Variants in KDM3B observed in about 807,000 individuals in gnomAD.
KDM3B encodes the protein lysine-specific demethylase 3B.
KDM3B carries 10 observed loss-of-function variants against 170.0 expected under a neutral mutation model. The observed-to-expected ratio is 0.06, with a 90% CI of 0.04 to 0.10. The LOEUF is 0.10. KDM3B is among the 10% of genes least tolerant of loss of function. The pLI, the probability that KDM3B is intolerant of heterozygous loss-of-function variation, is 1.00. For missense variants in KDM3B, 1,394 were observed against 2,195.2 expected (o/e 0.64, Z 7.29); for synonymous variants, 831 against 834.8 (o/e 1.00, Z 0.08).
intron 11 of KDM3B, among the ~76,000 whole-genome samples, chr5:138,406,430 G>A (rs1049364844): frequency 6.6e-6 from 1 of 152,088 alleles, no homozygotes; most frequent in Admixed American, 6.5e-5. Flanking sequence ...GATCACCTGA[G>A]GTCAGGAGTT....
chr5:138,396,182 G>A (rs551217539), intron 9 of KDM3B, among the ~76,000 whole-genome samples: 4 of 151,618 alleles, frequency 2.6e-5, no homozygotes, highest in Non-Finnish European at 4.4e-5. Flanking sequence ...TGCAATCTCC[G>A]CCTCCCGGGT....
At chr5:138,405,636 A>G (rs948975597) in intron 11 of KDM3B, among the ~76,000 whole-genome samples, 1 of 152,210 alleles carries the variant, frequency 6.6e-6, no homozygotes, top group Non-Finnish European at 1.5e-5. Flanking sequence ...AAGAAAATGA[A>G]ATGGAAATCA....
chr5:138,414,836 A>G (rs1763061614), intron 11 of KDM3B, among the ~76,000 whole-genome samples: 1 of 152,306 alleles, frequency 6.6e-6, no homozygotes, highest in Non-Finnish European at 1.5e-5. Context: ...GCACTCCTGT[A>G]GTTCCAGCTA....
chr5:138,426,646 T>G (rs1168133681), intron 17 of KDM3B: 1 of 247,822 alleles, frequency 4.0e-6, no homozygotes, highest in Non-Finnish European at 8.1e-6. Context: ...ATCCCAGCAC[T>G]TTGGGAGGCC....
intron 6 of KDM3B, among the ~76,000 whole-genome samples, chr5:138,383,843 G>A (rs555795751): frequency 6.7e-6 from 1 of 149,212 alleles, no homozygotes; most frequent in Admixed American, 6.7e-5. Context: ...CCAGCTACTT[G>A]GGAGGCTGAG....
intron 2 of KDM3B, among the ~76,000 whole-genome samples, chr5:138,373,068 G>A (rs1047047967): frequency 1.3e-5 from 2 of 152,134 alleles, no homozygotes; most frequent in Non-Finnish European, 2.9e-5. Context: ...GCCAGACGCG[G>A]TGGCTCACGC....
In KDM3B at chr5:138,391,470, G is replaced by A. The variant is rs759653444; in HGVS notation, c.1838G>A (p.Arg613His). The part of the protein sequence containing the change: ...PAFPRSLLNA[R>H]TPENHENLFL... ...TTCCCACGGAGCCTCCTAAATGCCC[G>A]TACCCCAGAGAATCATGAAAATCTA... is the stretch of plus-strand genomic sequence containing the variant. Residue 613 changes from arginine to histidine, a missense_variant, in exon 8 of 24, where the codon CGT (arginine) becomes CAT (histidine). Around this residue, in one of 19 missense-constraint regions of KDM3B, gnomAD observed 294 missense variants for 311.7 expected, o/e 0.94. Transcript: ENST00000314358. This position sits in a 1 kb window ranked among gnomAD's most constrained non-coding sequence, Gnocchi z 5.0. 27 of 1,613,932 alleles carry A rather than the reference G, an allele frequency of 1.7e-5. No homozygotes were observed. The highest frequency in any genetic ancestry group is 2.7e-5 in the African/African-American group (2 of 74,876).
chr5:138,391,959 T>C lies in KDM3B; in HGVS notation c.2327T>C (p.Phe776Ser). 1.2e-6 allele frequency: 2 copies of C among 1,612,730 alleles called. No homozygotes were observed. The highest frequency in any genetic ancestry group is 1.7e-6 in the Non-Finnish European group (2 of 1,178,778). ...SNVFGRHSGG[F>S]LSSPADFSQE... ...GTCTTTGGCAGGCACTCAGGCGGCT[T>C]TCTGTCCTCCCCGGCAGATTTTTCA... is the stretch of plus-strand genomic sequence containing the variant. The change falls in exon 8 of 24, where the codon TTT (phenylalanine) becomes TCT (serine). Residue 776 changes from phenylalanine to serine, a missense_variant. Transcript: ENST00000314358. This position sits in a 1 kb window ranked among gnomAD's most constrained non-coding sequence, Gnocchi z 5.0.
intron 1 of KDM3B, among the ~76,000 whole-genome samples, chr5:138,371,782 C>G (rs962434826): frequency 4.6e-5 from 7 of 152,094 alleles, no homozygotes; most frequent in Non-Finnish European, 1.0e-4. Flanking sequence ...CTGGGTAACA[C>G]AGCAAGACCC....
chr5:138,411,793 A>G (rs1762976456), intron 11 of KDM3B, among the ~76,000 whole-genome samples: 1 of 150,594 alleles, frequency 6.6e-6, no homozygotes, highest in South Asian at 2.1e-4. Flanking sequence ...TCCACCTCCC[A>G]GGATCAAGCG....
intron 7 of KDM3B, among the ~76,000 whole-genome samples, chr5:138,387,853 G>A (rs1027291961): frequency 3.3e-5 from 5 of 152,080 alleles, no homozygotes; most frequent in African/African-American, 9.7e-5. Flanking sequence ...AGGCCAAGGC[G>A]GGCGGATCAC....
At chr5:138,408,923 CA>C (rs1762893087) in intron 11 of KDM3B, among the ~76,000 whole-genome samples, 2 of 152,130 alleles carry the variant, frequency 1.3e-5, no homozygotes, top group Non-Finnish European at 1.5e-5. Flanking sequence ...TGTGCCCTTT[CA>C]GGGGGCCATA....
rs749481329 is a variant in KDM3B, at chr5:138,415,235, C to A, written c.3303C>A (p.Gly1101=). The A allele has an allele frequency of 6.3e-7, 1 of 1,593,074 alleles. No homozygotes were observed. The highest frequency in any genetic ancestry group is 1.1e-5 in the South Asian group (1 of 89,428). The change falls in exon 12 of 24, where the codon GGC becomes GGA. Residue 1101 remains glycine (G), a synonymous_variant. Transcript: ENST00000314358. ...TCATGCCCACACAAATTATTCCTGG[C>A]ACAGGTAAGGAAATTCCTTTTTTAG... ...ENLMPTQIIP[G]TALYNIGDMV... is the part of the protein sequence containing the mutation.
At chr5:138,362,551 T>C (rs866558960) in intron 1 of KDM3B, among the ~76,000 whole-genome samples, 1 of 124,682 alleles carries the variant, frequency 8.0e-6, no homozygotes, top group East Asian at 2.2e-4. Context: ...TATATGTGTA[T>C]ACACACACAC....
At position 138,424,103 on chromosome 5, in the gene KDM3B, A is replaced by C. The variant is rs752019617; in HGVS notation, c.4001A>C (p.Asn1334Thr). The C allele has an allele frequency of 1.9e-6, 3 of 1,583,492 alleles. No homozygotes were observed. Residue 1334 changes from asparagine (N) to threonine (T), a missense_variant, in exon 16 of 24, where the codon AAC (asparagine) becomes ACC (threonine). Physicochemically the swap from Asn to Thr is moderately conservative, Grantham distance 65. Coordinates refer to ENST00000314358, the MANE Select transcript of KDM3B (RefSeq NM_016604.4). Reference protein sequence around the residue: ...AGVKSKASLPNFLDHIIASVV... With the variant: ...AGVKSKASLPTFLDHIIASVV... ...GTGAAGAGCAAGGCCAGCCTACCCA[A>C]CTTTCTTGACCACATCATTGCCTCA...
chr5:138,425,806 G>C, intron 17 of KDM3B: 1 of 380,520 alleles, frequency 2.6e-6, no homozygotes, highest in South Asian at 4.3e-5. Flanking sequence ...AGGAGTTCAA[G>C]ACCAGCCTGG....
intron 4 of KDM3B, among the ~76,000 whole-genome samples, chr5:138,378,072 G>A (rs6596432): frequency 0.041 from 6,288 of 152,186 alleles, 179 homozygotes; most frequent in South Asian, 0.11. Flanking sequence ...GTCTTATGGA[G>A]GTGTCTGTAA....
chr5:138,377,089 A>G (rs1252242726), intron 3 of KDM3B, among the ~76,000 whole-genome samples: 2 of 152,120 alleles, frequency 1.3e-5, no homozygotes, highest in African/African-American at 2.4e-5. Flanking sequence ...TAGGTTAATG[A>G]TGATTTCTTT....
chr5:138,432,426 CAA>C (rs34148886), intron 23 of KDM3B, among the ~76,000 whole-genome samples: 38,748 of 151,902 alleles, frequency 0.26, 6,021 homozygotes, highest in South Asian at 0.4. Flanking sequence ...ATAAAAAGAA[CAA>C]AGAGGGCTGG....
Sources: gnomAD v4.1 joint callset for allele counts (sites outside exome capture counted in the v4.1 genomes callset) on GRCh38, gnomAD v4.1.1 for gene constraint, gnomAD v4.1.1 regional missense constraint, Gnocchi (gnomAD v3.1) non-coding constraint, MANE v1.5 for transcripts, NCBI Gene and HGNC (gene_info 2026-07-23, HGNC 2026-07-21) for gene names.